The following EIF3H variants were observed in gnomAD, a reference collection of about 807,000 sequenced individuals.
EIF3H encodes the protein eIF-3-gamma.
EIF3H carries 26 observed loss-of-function variants against 44.2 expected under a neutral mutation model. That is an observed-to-expected ratio of 0.59 (90% CI 0.43 to 0.82). EIF3H has a LOEUF of 0.82. Among genes scored for constraint, EIF3H ranks in the 40% least tolerant of loss-of-function variants. The pLI is 0.00. For missense variants in EIF3H, 359 were observed against 432.8 expected, an observed-to-expected ratio of 0.83 and a Z score of 1.51; for synonymous variants, 166 against 151.9, an observed-to-expected ratio of 1.09 and a Z score of -0.68.
intron 1 of EIF3H, among the ~76,000 whole-genome samples, chr8:116,752,381 G>C (rs973307918): frequency 1.3e-5 from 2 of 152,010 alleles, no homozygotes; most frequent in Non-Finnish European, 1.5e-5. Context: ...ATAAGGATGA[G>C]AGTGGTAAAG....
intron 2 of EIF3H, among the ~76,000 whole-genome samples, chr8:116,677,761 C>T (rs973667280): frequency 2.6e-5 from 4 of 152,224 alleles, no homozygotes; most frequent in Admixed American, 1.3e-4. Flanking sequence ...TTACCAAGCT[C>T]ATGTTCCTTT....
At chr8:116,700,327 A>G (rs562861238) in intron 2 of EIF3H, among the ~76,000 whole-genome samples, 11 of 152,286 alleles carry the variant, frequency 7.2e-5, no homozygotes, top group African/African-American at 2.6e-4. Flanking sequence ...AGTTTGTACA[A>G]CCTGCGGCCC....
chr8:116,702,125 G>A (rs1814387816), intron 2 of EIF3H, among the ~76,000 whole-genome samples: 1 of 152,188 alleles, frequency 6.6e-6, no homozygotes, highest in African/African-American at 2.4e-5. Flanking sequence ...TGGGAATAAT[G>A]TCTCAACTTA....
At chr8:116,736,186 T>G (rs1023979798) in intron 1 of EIF3H, among the ~76,000 whole-genome samples, 2 of 152,090 alleles carry the variant, frequency 1.3e-5, no homozygotes, top group African/African-American at 4.8e-5. Context: ...GGCAAAACAA[T>G]AGTAACAGGA....
intron 2 of EIF3H, among the ~76,000 whole-genome samples, chr8:116,660,577 C>G (rs1196762152): frequency 6.6e-6 from 1 of 151,958 alleles, no homozygotes; most frequent in African/African-American, 2.4e-5. Flanking sequence ...CAAAAACAAC[C>G]AAAGTTATTT....
intron 1 of EIF3H, among the ~76,000 whole-genome samples, chr8:116,747,108 G>C (rs760122359): frequency 1.3e-5 from 2 of 152,168 alleles, no homozygotes; most frequent in Non-Finnish European, 2.9e-5. Flanking sequence ...TGTCGTCCAG[G>C]TTGGAGTGCA....
rs1813253955 is a variant in EIF3H at position 116,643,490 on chromosome 8, C to T, written c.*1516G>A. ...ATCCTGGAAGGGGTGCCTAGAATGC[C>T]TCCCTCATCATAAATACAGGCTGAG... is the stretch of plus-strand genomic sequence containing the variant. On this transcript the variant is annotated 3_prime_UTR_variant, in exon 8 of 8. Coordinates refer to ENST00000521861, the MANE Select transcript of EIF3H (RefSeq NM_003756.3). 6.6e-6 allele frequency: 1 copy of T among 152,160 alleles called. No homozygotes were observed. 9.4% of individuals were successfully genotyped at this position (152,160 alleles called of 1,614,324 possible).
chr8:116,761,429 G>A (rs570149079), intron 1 of EIF3H, among the ~76,000 whole-genome samples: 36 of 152,160 alleles, frequency 2.4e-4, no homozygotes, highest in Admixed American at 4.6e-4. Flanking sequence ...AGAGAATCGC[G>A]TGAACCCGGG....
intron 2 of EIF3H, among the ~76,000 whole-genome samples, chr8:116,711,498 A>G (rs1270839951): frequency 2.0e-5 from 3 of 152,234 alleles, no homozygotes; most frequent in Non-Finnish European, 4.4e-5. Context: ...TCCTGGTAAT[A>G]GACTTTTTTA....
At chr8:116,722,915 G>C (rs1015768041) in intron 2 of EIF3H, among the ~76,000 whole-genome samples, 2 of 152,056 alleles carry the variant, frequency 1.3e-5, no homozygotes, top group African/African-American at 4.8e-5. Context: ...TGAAAATAAA[G>C]AGCTTGTAGA....
intron 2 of EIF3H, among the ~76,000 whole-genome samples, chr8:116,670,429 T>TCAAAA (rs1813734173): frequency 6.6e-6 from 1 of 152,000 alleles, no homozygotes; most frequent in Admixed American, 6.5e-5. Context: ...TTCAGAGAAA[T>TCAAAA]CTCCAGCTTT....
At chr8:116,733,724 ATATT>A (rs139928459) in intron 1 of EIF3H, among the ~76,000 whole-genome samples, 1,786 of 152,320 alleles carry the variant, frequency 0.012, 35 homozygotes, top group African/African-American at 0.04. Flanking sequence ...AATGTCTGAA[ATATT>A]TATTTCTCTT....
At chr8:116,666,775 A>AAAAAAAAAAAAAC (rs1813676138) in intron 2 of EIF3H, among the ~76,000 whole-genome samples, 1 of 151,142 alleles carries the variant, frequency 6.6e-6, no homozygotes, top group African/African-American at 2.4e-5. Context: ...AAAAAAAAAA[A>AAAAAAAAAAAAAC]ATTACACTAT....
chr8:116,738,034 CAAAA>C (rs750259420), intron 1 of EIF3H, among the ~76,000 whole-genome samples: 3 of 68,502 alleles, frequency 4.4e-5, no homozygotes, highest in African/African-American at 5.2e-5. Context: ...GGCTCCATCT[CAAAA>C]AAAAAAAAAA....
At chr8:116,689,181 G>A in intron 2 of EIF3H, 3 of 411,732 alleles carry the variant, frequency 7.3e-6, no homozygotes, top group African/African-American at 2.1e-5. Flanking sequence ...AGAGACAAAA[G>A]GACAAATATT....
intron 5 of EIF3H, among the ~76,000 whole-genome samples, chr8:116,650,430 C>T (rs765064709): frequency 5.3e-5 from 8 of 152,116 alleles, no homozygotes; most frequent in Non-Finnish European, 7.4e-5. Context: ...TATATACTCA[C>T]ACAAAAACTC....
chr8:116,701,361 T>C (rs1814373022), intron 2 of EIF3H, among the ~76,000 whole-genome samples: 1 of 152,192 alleles, frequency 6.6e-6, no homozygotes, highest in South Asian at 2.1e-4. Flanking sequence ...TAAGATATAG[T>C]GTGATAGTCC....
At chr8:116,744,036 A>G (rs1815186546) in intron 1 of EIF3H, among the ~76,000 whole-genome samples, 1 of 151,670 alleles carries the variant, frequency 6.6e-6, no homozygotes, top group African/African-American at 2.4e-5. Context: ...AGAACTGAAC[A>G]GTACAGACAA....
intron 1 of EIF3H, among the ~76,000 whole-genome samples, chr8:116,746,043 T>C (rs200015307): frequency 4.6e-5 from 7 of 152,214 alleles, no homozygotes; most frequent in Non-Finnish European, 7.3e-5. Context: ...GCTGATTTTC[T>C]TTACTATTGA....
Sources: allele counts gnomAD v4.1 joint callset (sites outside exome capture counted in the v4.1 genomes callset), GRCh38; gene constraint gnomAD v4.1.1; transcripts MANE v1.5; gene names NCBI Gene and HGNC (gene_info 2026-07-23, HGNC 2026-07-21).